The following KLF12 variants were observed in gnomAD, a reference collection of about 807,000 sequenced individuals.
KLF12 encodes KLF transcription factor 12.
Under a neutral mutation model 37.8 loss-of-function variants are expected in KLF12, and 9 were observed. The observed-to-expected ratio is 0.24, with a 90% confidence interval of 0.14 to 0.42. The LOEUF (loss-of-function observed/expected upper bound fraction) is 0.42, where lower values mean the gene tolerates loss of function less well. Ranked by LOEUF, KLF12 falls within the 10% of genes least tolerant of loss-of-function variation. The pLI is 1.00. For missense variants in KLF12, 411 were observed against 516.0 expected, an observed-to-expected ratio of 0.80 and a Z score of 1.97; for synonymous variants, 208 against 202.1, an observed-to-expected ratio of 1.03 and a Z score of -0.25.
chr13:74,224,475 C>T, the KLF12 span, among the ~76,000 whole-genome samples: 80 of 152,114 alleles, frequency 5.3e-4, no homozygotes, highest in Non-Finnish European at 1.0e-3. Flanking sequence ...CTATTATACT[C>T]TACGATGTGA....
chr13:74,222,781 A>G, the KLF12 span, among the ~76,000 whole-genome samples: 2 of 152,240 alleles, frequency 1.3e-5, no homozygotes, highest in Non-Finnish European at 2.9e-5. Flanking sequence ...AAATTTATTT[A>G]TAACTAACTA....
chr13:74,267,183 C>A, the KLF12 span, among the ~76,000 whole-genome samples: 1 of 152,154 alleles, frequency 6.6e-6, no homozygotes, highest in African/African-American at 2.4e-5. Flanking sequence ...ATCCTAATCC[C>A]CAGAATCTGT....
chr13:74,041,627 C>A (rs1052314404), intron 1 of KLF12, among the ~76,000 whole-genome samples: 5 of 151,650 alleles, frequency 3.3e-5, no homozygotes, highest in African/African-American at 1.2e-4. Flanking sequence ...ATCCACGGCT[C>A]AGCGTAATGA....
intron 6 of KLF12, among the ~76,000 whole-genome samples, chr13:73,731,269 G>T (rs916166166): frequency 1.3e-5 from 2 of 152,064 alleles, no homozygotes; most frequent in Non-Finnish European, 2.9e-5. Flanking sequence ...CAGGAAAAGT[G>T]CCAAGATAAA....
chr13:74,276,557 CTTATT>C, the KLF12 span, among the ~76,000 whole-genome samples: 3 of 152,122 alleles, frequency 2.0e-5, no homozygotes, highest in Non-Finnish European at 4.4e-5. Flanking sequence ...CACATTTCTT[CTTATT>C]TTATAAGTTT....
At chr13:74,196,838 TATATAGTA>T in the KLF12 span, among the ~76,000 whole-genome samples, 1 of 152,220 alleles carries the variant, frequency 6.6e-6, no homozygotes, top group Non-Finnish European at 1.5e-5. Context: ...TACTGTAGGA[TATATAGTA>T]ATATTTGTTT....
At chr13:73,985,010 C>A (rs1391732410) in intron 2 of KLF12, among the ~76,000 whole-genome samples, 1 of 112,990 alleles carries the variant, frequency 8.9e-6, no homozygotes, top group East Asian at 2.8e-4. Context: ...AAGGGTGACA[C>A]AGCTTCTGCC....
At chr13:73,801,105 G>C (rs764996603) in intron 5 of KLF12, 1 of 152,022 alleles carries the variant, frequency 6.6e-6, no homozygotes, top group Non-Finnish European at 1.5e-5. Flanking sequence ...TCTTACCCAA[G>C]ATTTTTCTAT....
intron 1 of KLF12, among the ~76,000 whole-genome samples, chr13:74,043,721 A>G (rs1448128837): frequency 6.6e-6 from 1 of 152,194 alleles, no homozygotes; most frequent in Non-Finnish European, 1.5e-5. Context: ...ACATTTCTCT[A>G]CTCAACATAA....
rs889367935 is a variant in KLF12 at position 73,780,471 on chromosome 13, G to T, written c.807-15471C>A. Among the ~76,000 whole-genome samples the T allele has an allele frequency of 1.4e-4, 20 of 145,434 alleles. No homozygotes were observed. The East Asian group carries it at 2.6e-3, about 19-fold the overall frequency. On this transcript the variant is annotated intron_variant, in intron 5 of 7. Coordinates refer to ENST00000377669, the MANE Select transcript of KLF12 (RefSeq NM_007249.5). ...CTCATAGCTTAGCACCCAAGGAATG[G>T]TTTTTTTTTTTTTTCTTTTTTCTTT... is the stretch of plus-strand genomic sequence containing the variant.
chr13:74,240,040 G>A, the KLF12 span, among the ~76,000 whole-genome samples: 6 of 151,946 alleles, frequency 3.9e-5, no homozygotes, highest in Non-Finnish European at 5.9e-5. Context: ...TCCTAGTCTC[G>A]ATGGTCTTTA....
At chr13:74,161,068 CT>C in the KLF12 span, among the ~76,000 whole-genome samples, 55,380 of 139,378 alleles carry the variant, frequency 0.4, 11,874 homozygotes, top group East Asian at 0.77. Flanking sequence ...TCAGGAGAGT[CT>C]TTTTTTTTTT....
chr13:73,716,077 A>C (rs554823184), intron 6 of KLF12, among the ~76,000 whole-genome samples: 1 of 152,296 alleles, frequency 6.6e-6, no homozygotes, highest in Admixed American at 6.5e-5. Flanking sequence ...TGTTTGGTGA[A>C]ACGCACCTGA....
chr13:73,716,612 T>C (rs1875827397), intron 6 of KLF12, among the ~76,000 whole-genome samples: 1 of 152,218 alleles, frequency 6.6e-6, no homozygotes, highest in Admixed American at 6.5e-5. Context: ...GAGTTTTCTT[T>C]ACCTCTTTCC....
intron 2 of KLF12, among the ~76,000 whole-genome samples, chr13:73,974,224 G>A (rs1891435229): frequency 6.6e-6 from 1 of 151,228 alleles, no homozygotes; most frequent in African/African-American, 2.4e-5. Context: ...ACGAAGAACA[G>A]ATTGAAATAA....
chr13:73,826,697 A>T (rs1883862205), intron 4 of KLF12, among the ~76,000 whole-genome samples: 1 of 152,070 alleles, frequency 6.6e-6, no homozygotes, highest in Non-Finnish European at 1.5e-5. Flanking sequence ...CCTTAACTAC[A>T]TATATGTCCA....
intron 7 of KLF12, among the ~76,000 whole-genome samples, chr13:73,701,944 C>T (rs1163010201): frequency 6.6e-6 from 1 of 151,952 alleles, no homozygotes; most frequent in Non-Finnish European, 1.5e-5. Context: ...ACGTGTTAAC[C>T]AACACTAATA....
intron 1 of KLF12, among the ~76,000 whole-genome samples, chr13:74,059,060 T>G (rs1043651874): frequency 6.6e-6 from 1 of 152,268 alleles, no homozygotes; most frequent in African/African-American, 2.4e-5. Context: ...TGTTTCTGAC[T>G]TATTTCACTT....
chr13:74,263,928 TG>T, the KLF12 span, among the ~76,000 whole-genome samples: 2 of 152,170 alleles, frequency 1.3e-5, no homozygotes, highest in African/African-American at 2.4e-5. Flanking sequence ...TAGCCAGGTT[TG>T]TTTTTTTTCT....
Sources: gnomAD v4.1 joint callset for allele counts (sites outside exome capture counted in the v4.1 genomes callset) on GRCh38, gnomAD v4.1.1 for gene constraint, MANE v1.5 for transcripts, NCBI Gene and HGNC (gene_info 2026-07-23, HGNC 2026-07-21) for gene names.